Variants in XIRP2 observed in about 807,000 individuals in gnomAD.
The protein encoded by XIRP2 is xin actin-binding repeat-containing protein 2.
Under a neutral mutation model 277.0 loss-of-function variants are expected in XIRP2, and 236 were observed. That is an observed-to-expected ratio of 0.85 (90% CI 0.77 to 0.95). The LOEUF is 0.95. XIRP2 is among the 40% of genes least tolerant of loss of function. The probability of loss-of-function intolerance (pLI) is 0.00; values close to 1 mark genes in which losing one functional copy is unlikely to be tolerated. For synonymous variants in XIRP2, 1,490 were observed against 1,416.5 expected (o/e 1.05, Z -1.17); for missense variants, 4,640 against 4,157.5 (o/e 1.12, Z -3.19).
chr2:167,145,942 T>C (rs893192747), intron 3 of XIRP2, among the ~76,000 whole-genome samples: 3 of 152,060 alleles, frequency 2.0e-5, no homozygotes, highest in Non-Finnish European at 4.4e-5. Context: ...AAGAGATTCA[T>C]AGAAAATGCA....
intron 3 of XIRP2, among the ~76,000 whole-genome samples, chr2:167,156,331 G>C (rs765068210): frequency 6.6e-6 from 1 of 152,108 alleles, no homozygotes; most frequent in Non-Finnish European, 1.5e-5. Context: ...GATAGCAACC[G>C]CTTAGGCATG....
At chr2:167,237,914 A>G (rs1694950160) in intron 5 of XIRP2, among the ~76,000 whole-genome samples, 1 of 152,126 alleles carries the variant, frequency 6.6e-6, no homozygotes, top group Non-Finnish European at 1.5e-5. Context: ...TTTTTTTTAT[A>G]TCTGCAGTTG....
chr2:167,029,316 T>C (rs1210488986), intron 2 of XIRP2, among the ~76,000 whole-genome samples: 1 of 152,056 alleles, frequency 6.6e-6, no homozygotes, highest in African/African-American at 2.4e-5. Flanking sequence ...GCTTTTGTCC[T>C]TTCAGTATGA....
intron 5 of XIRP2, among the ~76,000 whole-genome samples, chr2:167,229,958 GA>G (rs1437490459): frequency 2.6e-5 from 4 of 151,988 alleles, no homozygotes; most frequent in Admixed American, 6.6e-5. Flanking sequence ...CTTAGGCATG[GA>G]AAGGAGGAAA....
chr2:167,035,721 G>A (rs1688491146), intron 2 of XIRP2, among the ~76,000 whole-genome samples: 1 of 152,196 alleles, frequency 6.6e-6, no homozygotes, highest in Non-Finnish European at 1.5e-5. Flanking sequence ...GTAGCAAAGG[G>A]CATAATGTTA....
chr2:167,225,716 A>G (rs1694577781), intron 5 of XIRP2, among the ~76,000 whole-genome samples: 1 of 152,146 alleles, frequency 6.6e-6, no homozygotes, highest in Admixed American at 6.6e-5. Context: ...CTCAAGAGGC[A>G]TATAAATAAG....
chr2:166,949,259 C>CTT (rs1392607572), intron 2 of XIRP2, among the ~76,000 whole-genome samples: 1 of 152,028 alleles, frequency 6.6e-6, no homozygotes, highest in East Asian at 1.9e-4. Context: ...GAGCAAACTG[C>CTT]TTTGGTTCAA....
chr2:167,185,672 T>C (rs1693134430), intron 3 of XIRP2, among the ~76,000 whole-genome samples: 1 of 152,168 alleles, frequency 6.6e-6, no homozygotes, highest in South Asian at 2.1e-4. Context: ...TATGTTTACA[T>C]TGTAGGATCT....
chr2:167,190,466 A>G (rs545111687), intron 3 of XIRP2, among the ~76,000 whole-genome samples: 7 of 152,116 alleles, frequency 4.6e-5, no homozygotes, highest in Non-Finnish European at 1.0e-4. Flanking sequence ...TATGCCAGGG[A>G]CTGGGGACTA....
At chr2:167,006,689 G>A (rs1031149768) in intron 2 of XIRP2, among the ~76,000 whole-genome samples, 2 of 151,662 alleles carry the variant, frequency 1.3e-5, no homozygotes, top group African/African-American at 4.8e-5. Context: ...CCCAGCAACA[G>A]GCACATAGTT....
At chr2:167,154,645 C>A (rs1264017531) in intron 3 of XIRP2, among the ~76,000 whole-genome samples, 2 of 151,990 alleles carry the variant, frequency 1.3e-5, no homozygotes, top group Non-Finnish European at 2.9e-5. Context: ...GTTTTCCTAG[C>A]ACCTATTTAA....
rs560672582 is a variant in XIRP2, at chr2:166,930,278, T to C, written c.408+26388T>C. Among the ~76,000 whole-genome samples the C allele has an allele frequency of 4.7e-4, 72 of 152,282 alleles. 1 individual carries two copies. The highest frequency in any genetic ancestry group is 3.4e-3 in the Middle Eastern group (1 of 294). The stretch of plus-strand genomic sequence containing the variant: ...TGATCTGGCCACAACATCAAACATA[T>C]GATTTACCACCAGACTTGAAGCTAA... On this transcript the variant is annotated intron_variant, in intron 2 of 10. Transcript: ENST00000409195.
In XIRP2 at chr2:166,963,085, A is replaced by G. The variant is rs181741983; in HGVS notation, c.408+59195A>G. On this transcript the variant is annotated intron_variant, in intron 2 of 10. Coordinates refer to ENST00000409195, the MANE Select transcript of XIRP2 (RefSeq NM_152381.6). Reference sequence around the variant, plus strand: ...AATTACCTTGATCTGATCACTATTCATTATATATATTGAAATATTGCAATG... The same window carrying G: ...AATTACCTTGATCTGATCACTATTCGTTATATATATTGAAATATTGCAATG... Among the ~76,000 whole-genome samples, 1,139 of 151,876 alleles carry G rather than the reference A, an allele frequency of 7.5e-3. 11 individuals are homozygous for G. The highest frequency in any genetic ancestry group is 9.4e-3 in the Non-Finnish European group (637 of 67,830).
At chr2:166,920,194 T>A (rs142957437) in intron 2 of XIRP2, among the ~76,000 whole-genome samples, 1 of 152,266 alleles carries the variant, frequency 6.6e-6, no homozygotes, top group Non-Finnish European at 1.5e-5. Flanking sequence ...AGCGCTGCCC[T>A]CATTTAATAG....
At chr2:167,175,419 CT>C (rs1022661265) in intron 3 of XIRP2, among the ~76,000 whole-genome samples, 1 of 152,076 alleles carries the variant, frequency 6.6e-6, no homozygotes, top group Non-Finnish European at 1.5e-5. Flanking sequence ...CTGGAGTTTG[CT>C]GGAGGTCCAC....
At chr2:167,029,534 C>A (rs1038864976) in intron 2 of XIRP2, among the ~76,000 whole-genome samples, 1 of 152,048 alleles carries the variant, frequency 6.6e-6, no homozygotes, top group Non-Finnish European at 1.5e-5. Context: ...GTTGAACCAG[C>A]CTTGCATCCC....
At chr2:167,032,882 G>A (rs963222267) in intron 2 of XIRP2, among the ~76,000 whole-genome samples, 7 of 152,164 alleles carry the variant, frequency 4.6e-5, no homozygotes, top group African/African-American at 1.4e-4. Flanking sequence ...AGAAGACAGT[G>A]TGGCAACTCC....
intron 3 of XIRP2, among the ~76,000 whole-genome samples, chr2:167,140,563 G>A (rs1409063293): frequency 6.6e-6 from 1 of 152,070 alleles, no homozygotes; most frequent in East Asian, 1.9e-4. Flanking sequence ...ACTGGTCTCT[G>A]GATACACGAT....
chr2:167,205,721 G>C (rs1200131678), intron 3 of XIRP2, among the ~76,000 whole-genome samples: 1 of 152,004 alleles, frequency 6.6e-6, no homozygotes, highest in Non-Finnish European at 1.5e-5. Context: ...TAATTGTAGG[G>C]TTTGTTTTGC....
Sources: allele counts gnomAD v4.1 joint callset (sites outside exome capture counted in the v4.1 genomes callset), GRCh38; gene constraint gnomAD v4.1.1; transcripts MANE v1.5; gene names NCBI Gene and HGNC (gene_info 2026-07-23, HGNC 2026-07-21).